ADAM12: variants seen among roughly 807,000 people sequenced by gnomAD.
ADAM12 encodes the protein ADAM metallopeptidase domain 12.
ADAM12 carries 70 observed loss-of-function variants against 106.4 expected under a neutral mutation model. The observed-to-expected ratio is 0.66, with a 90% CI of 0.54 to 0.80. ADAM12 has a LOEUF of 0.80. ADAM12 is among the 30% of genes least tolerant of loss of function. The probability of loss-of-function intolerance (pLI) is 0.00; values close to 1 mark genes in which losing one functional copy is unlikely to be tolerated. For missense variants in ADAM12, 1,010 were observed against 1,171.9 expected (o/e 0.86, Z 2.02); for synonymous variants, 420 against 433.5 (o/e 0.97, Z 0.39).
chr10:126,072,549 C>G (rs1206483998), intron 11 of ADAM12, among the ~76,000 whole-genome samples: 1 of 152,158 alleles, frequency 6.6e-6, no homozygotes, highest in Non-Finnish European at 1.5e-5. Flanking sequence ...GGCATGGCAT[C>G]TGGTCCTAAC....
chr10:126,118,628 A>G (rs1341608654), intron 5 of ADAM12, among the ~76,000 whole-genome samples: 1 of 152,244 alleles, frequency 6.6e-6, no homozygotes, highest in Non-Finnish European at 1.5e-5. Context: ...AAATATTTCA[A>G]TAGCCTCAGG....
chr10:126,058,281 G>A (rs1168800031), intron 14 of ADAM12, among the ~76,000 whole-genome samples: 4 of 152,376 alleles, frequency 2.6e-5, no homozygotes, highest in Non-Finnish European at 5.9e-5. Context: ...TTCCAAGAAC[G>A]AATGAGTGAA....
intron 8 of ADAM12, among the ~76,000 whole-genome samples, chr10:126,107,943 T>G (rs1206733166): frequency 6.6e-6 from 1 of 152,192 alleles, no homozygotes; most frequent in East Asian, 1.9e-4. Flanking sequence ...CGCTGCCATT[T>G]TCTTTGCCGG....
intron 3 of ADAM12, among the ~76,000 whole-genome samples, chr10:126,278,695 AAT>A (rs1311076572): frequency 6.6e-6 from 1 of 152,294 alleles, no homozygotes; most frequent in Non-Finnish European, 1.5e-5. Flanking sequence ...ACTATGAAAA[AAT>A]AGTGTTGAGT....
chr10:126,388,366 G>A lies in ADAM12; in HGVS notation c.-221C>T. The A allele has an allele frequency of 1.7e-6, 1 of 575,774 alleles. No homozygotes were observed. The highest frequency in any genetic ancestry group is 2.0e-5 in the African/African-American group (1 of 50,482). 35.7% of individuals were successfully genotyped at this position (575,774 alleles called of 1,614,324 possible). ...CGTGTGTGTGCGTGCGTGCGCGCGC[G>A]CGCGCCGTTCTGGCACAAGCCAGCC... On this transcript the variant is annotated 5_prime_UTR_variant, in exon 1 of 23. Transcript: ENST00000448723. This position sits in a 1 kb window ranked among gnomAD's most constrained non-coding sequence, Gnocchi z 4.4.
chr10:126,069,976 TG>T (rs939859397), intron 12 of ADAM12, among the ~76,000 whole-genome samples: 15 of 152,286 alleles, frequency 9.8e-5, no homozygotes, highest in Middle Eastern at 3.4e-3. Flanking sequence ...CGAGAGTTCA[TG>T]GCTTCATGAA....
intron 3 of ADAM12, among the ~76,000 whole-genome samples, chr10:126,272,511 AT>A (rs1385258424): frequency 4.6e-5 from 7 of 152,194 alleles, no homozygotes; most frequent in Non-Finnish European, 1.0e-4. Context: ...AGTAAAGATA[AT>A]TATTAATAAG....
At chr10:126,308,187 C>A (rs2133811041) in intron 2 of ADAM12, among the ~76,000 whole-genome samples, 1 of 152,266 alleles carries the variant, frequency 6.6e-6, no homozygotes, top group East Asian at 1.9e-4. Flanking sequence ...GAGTATCTGT[C>A]TTTTTGGCCC....
At chr10:126,121,974 G>A (rs757434597) in intron 5 of ADAM12, among the ~76,000 whole-genome samples, 6 of 152,076 alleles carry the variant, frequency 3.9e-5, no homozygotes, top group Non-Finnish European at 8.8e-5. Flanking sequence ...GGCAATGGGA[G>A]AAACAGATCT....
chr10:126,079,090 A>G (rs1409263155), intron 11 of ADAM12, among the ~76,000 whole-genome samples: 1 of 152,184 alleles, frequency 6.6e-6, no homozygotes, highest in Non-Finnish European at 1.5e-5. Flanking sequence ...CAGACCTACT[A>G]AGTCAGAAAA....
At chr10:126,277,915 T>C (rs1252700227) in intron 3 of ADAM12, among the ~76,000 whole-genome samples, 1 of 152,246 alleles carries the variant, frequency 6.6e-6, no homozygotes, top group African/African-American at 2.4e-5. Flanking sequence ...CTGTCTTTCG[T>C]CTGTCTTGCT....
chr10:126,089,900 C>T (rs1267682956), intron 11 of ADAM12, among the ~76,000 whole-genome samples: 2 of 152,146 alleles, frequency 1.3e-5, no homozygotes, highest in Non-Finnish European at 2.9e-5. Context: ...TCTCTTTGTC[C>T]TCTTCCTTTG....
intron 1 of ADAM12, among the ~76,000 whole-genome samples, chr10:126,344,970 C>G (rs1855079648): frequency 6.6e-6 from 1 of 152,260 alleles, no homozygotes; most frequent in Admixed American, 6.5e-5. Flanking sequence ...CATCTGCAAA[C>G]AGGGACAATT....
intron 21 of ADAM12, among the ~76,000 whole-genome samples, chr10:126,031,080 G>A (rs1406010147): frequency 6.6e-6 from 1 of 152,168 alleles, no homozygotes; most frequent in African/African-American, 2.4e-5. Context: ...AGGTCCTGGA[G>A]GGAGGACTGT....
chr10:126,160,598 C>G (rs1956915246), intron 3 of ADAM12, among the ~76,000 whole-genome samples: 1 of 152,228 alleles, frequency 6.6e-6, no homozygotes, highest in African/African-American at 2.4e-5. Flanking sequence ...GCTCCACACC[C>G]TTGGGAATGA....
chr10:126,121,287 T>A (rs28586895), intron 5 of ADAM12, among the ~76,000 whole-genome samples: 1 of 112,140 alleles, frequency 8.9e-6, no homozygotes, highest in Non-Finnish European at 1.6e-5. Flanking sequence ...ATATACTATA[T>A]TATATTATAC....
At chr10:126,184,154 C>T (rs1957360821) in intron 3 of ADAM12, among the ~76,000 whole-genome samples, 2 of 152,342 alleles carry the variant, frequency 1.3e-5, no homozygotes, top group Admixed American at 1.3e-4. Context: ...AAGCACTCAG[C>T]ACCTTCTTCT....
intron 3 of ADAM12, among the ~76,000 whole-genome samples, chr10:126,227,435 G>C (rs564799832): frequency 2.6e-5 from 4 of 152,062 alleles, no homozygotes; most frequent in Non-Finnish European, 5.9e-5. Flanking sequence ...CTTAGTATTT[G>C]CCAGGCCCTT....
At chr10:126,098,583 CT>C in intron 9 of ADAM12, 83 bp from the exon 10 acceptor site, 1 of 1,188,686 alleles carries the variant, frequency 8.4e-7, no homozygotes, top group South Asian at 1.3e-5. Flanking sequence ...TTGGATATTC[CT>C]GCAATAAAAT....
Sources: allele counts gnomAD v4.1 joint callset (sites outside exome capture counted in the v4.1 genomes callset), GRCh38; gene constraint gnomAD v4.1.1; non-coding constraint Gnocchi (gnomAD v3.1); transcripts MANE v1.5; gene names NCBI Gene and HGNC (gene_info 2026-07-23, HGNC 2026-07-21).